KCNIP1: variants seen among roughly 807,000 people sequenced by gnomAD.
KCNIP1 encodes potassium voltage-gated channel interacting protein 1.
In KCNIP1, 18 loss-of-function variants were observed where a neutral mutation model predicts 33.0. The observed-to-expected ratio is 0.55, with a 90% CI of 0.38 to 0.81. The LOEUF is 0.81. Ranked by LOEUF, KCNIP1 falls within the 30% of genes least tolerant of loss-of-function variation. The pLI is 0.00. For missense variants in KCNIP1, 238 were observed against 271.6 expected (o/e 0.88, Z 0.87); for synonymous variants, 93 against 98.3 (o/e 0.95, Z 0.32).
chr5:170,528,182 G>C (rs897903858), intron 1 of KCNIP1, among the ~76,000 whole-genome samples: 1 of 152,144 alleles, frequency 6.6e-6, no homozygotes, highest in Non-Finnish European at 1.5e-5. Context: ...TCTGGAACTG[G>C]AGGCTCTGGC....
chr5:170,499,826 G>A (rs1172352966), upstream of KCNIP1, among the ~76,000 whole-genome samples: 1 of 152,188 alleles, frequency 6.6e-6, no homozygotes, highest in East Asian at 1.9e-4. Flanking sequence ...CAGGATTCCT[G>A]CAGGTCTGAC....
At position 170,609,953 on chromosome 5, in the gene KCNIP1, T is replaced by C. The variant is rs1483292345; in HGVS notation, c.61+105320T>C. 2.0e-5 allele frequency among the ~76,000 whole-genome samples: 3 copies of C among 152,194 alleles called. No individual in the cohort carries two copies. The South Asian group carries it at 6.2e-4, about 32-fold the overall frequency. On this transcript the variant is annotated intron_variant, in intron 1 of 7. Coordinates refer to ENST00000328939, the MANE Select transcript of KCNIP1 (RefSeq NM_014592.4). ...AAAAATGCAAGAAAAAAAAGGAAGCTGGACATAAAGCTAGAATGGAAAATG... is the reference window on the plus strand; with the variant it reads ...AAAAATGCAAGAAAAAAAAGGAAGCCGGACATAAAGCTAGAATGGAAAATG...
chr5:170,378,905 G>T lies in KCNIP1; in HGVS notation c.88+24941G>T, dbSNP rs749425507. 2.7e-5 allele frequency: 44 copies of T among 1,614,124 alleles called. No homozygotes were observed. The South Asian group carries it at 4.7e-4, about 17-fold the overall frequency. On this transcript the variant is annotated intron_variant, in intron 1 of 7. Coordinates refer to the KCNIP1 transcript ENST00000377360. Reference sequence around the variant, plus strand: ...AGAAGACCTGCTGCTCTTGGAATTTGGCTCTGACCTTCTCCACGTCGGCCC... The same window carrying T: ...AGAAGACCTGCTGCTCTTGGAATTTTGCTCTGACCTTCTCCACGTCGGCCC...
At chr5:170,711,258 C>CA (rs1763433951) in intron 1 of KCNIP1, among the ~76,000 whole-genome samples, 1 of 152,200 alleles carries the variant, frequency 6.6e-6, no homozygotes, top group African/African-American at 2.4e-5. Flanking sequence ...AATTACCTGC[C>CA]AATGACTACT....
chr5:170,471,206 C>A (rs1485888170), intron 1 of KCNIP1, among the ~76,000 whole-genome samples: 2 of 152,136 alleles, frequency 1.3e-5, no homozygotes, highest in African/African-American at 4.8e-5. Context: ...CTCCATCTCG[C>A]CCCCTATCTT....
At chr5:170,594,950 A>T (rs559639316) in intron 1 of KCNIP1, among the ~76,000 whole-genome samples, 3 of 152,346 alleles carry the variant, frequency 2.0e-5, no homozygotes, top group Non-Finnish European at 4.4e-5. Flanking sequence ...GGAGTGTAAC[A>T]GTTTGGCCAT....
chr5:170,623,852 C>G (rs1218753192), intron 1 of KCNIP1, among the ~76,000 whole-genome samples: 1 of 152,190 alleles, frequency 6.6e-6, no homozygotes, highest in East Asian at 1.9e-4. Context: ...ATTGGGGGCC[C>G]TGAGCCTCCA....
intron 1 of KCNIP1, among the ~76,000 whole-genome samples, chr5:170,714,102 C>T (rs1421723540): frequency 6.6e-6 from 1 of 151,988 alleles, no homozygotes; most frequent in Admixed American, 6.6e-5. Flanking sequence ...TTGGCCAGTC[C>T]AGGGAGGAGA....
At chr5:170,473,815 C>T (rs138474391) in intron 1 of KCNIP1, among the ~76,000 whole-genome samples, 1 of 152,316 alleles carries the variant, frequency 6.6e-6, no homozygotes, top group East Asian at 1.9e-4. Context: ...ACCCACAAAT[C>T]CCATGATGCC....
intron 1 of KCNIP1, among the ~76,000 whole-genome samples, chr5:170,496,625 A>G (rs1226158030): frequency 6.6e-6 from 1 of 152,184 alleles, no homozygotes; most frequent in Non-Finnish European, 1.5e-5. Context: ...CAGGAGACTA[A>G]AGCAGGGGAG....
chr5:170,595,430 G>A (rs1462890896), intron 1 of KCNIP1, among the ~76,000 whole-genome samples: 1 of 152,210 alleles, frequency 6.6e-6, no homozygotes, highest in Admixed American at 6.5e-5. Flanking sequence ...GCCTGCATGG[G>A]CAGCCAATCC....
chr5:170,629,522 A>G (rs894086350), intron 1 of KCNIP1, among the ~76,000 whole-genome samples: 4 of 152,194 alleles, frequency 2.6e-5, no homozygotes, highest in Non-Finnish European at 5.9e-5. Flanking sequence ...CAGAGGTGCT[A>G]GCTGGGATGC....
chr5:170,512,644 GC>G, intron 1 of KCNIP1, among the ~76,000 whole-genome samples: 1 of 152,336 alleles, frequency 6.6e-6, no homozygotes, highest in East Asian at 1.9e-4. Context: ...GTAAGATGCA[GC>G]GGTCAGCACT....
At chr5:170,462,182 G>A (rs1440917742) in intron 1 of KCNIP1, among the ~76,000 whole-genome samples, 1 of 145,978 alleles carries the variant, frequency 6.9e-6, no homozygotes, top group Non-Finnish European at 1.5e-5. Context: ...AGACAACCCA[G>A]AGAGTGGGAG....
chr5:170,713,976 A>G (rs1269877115), intron 1 of KCNIP1, among the ~76,000 whole-genome samples: 14 of 151,580 alleles, frequency 9.2e-5, no homozygotes, highest in Admixed American at 7.2e-4. Context: ...GTGAGCCGAG[A>G]TCACACCATT....
At chr5:170,575,643 C>G (rs1259728409) in intron 1 of KCNIP1, among the ~76,000 whole-genome samples, 4 of 152,158 alleles carry the variant, frequency 2.6e-5, no homozygotes, top group Non-Finnish European at 5.9e-5. Context: ...CAGAATGGCT[C>G]AAAATCACCC....
intron 1 of KCNIP1, among the ~76,000 whole-genome samples, chr5:170,388,786 C>G (rs1764590078): frequency 6.6e-6 from 1 of 152,204 alleles, no homozygotes; most frequent in African/African-American, 2.4e-5. Flanking sequence ...TGGTACCTGC[C>G]TCAGAGAGTT....
chr5:170,649,056 GGAAAA>G (rs1760904217), intron 1 of KCNIP1, among the ~76,000 whole-genome samples: 1 of 152,220 alleles, frequency 6.6e-6, no homozygotes, highest in Non-Finnish European at 1.5e-5. Flanking sequence ...CATTACTGAT[GGAAAA>G]GAAAATTGGT....
chr5:170,503,046 T>C (rs1184549733), upstream of KCNIP1, among the ~76,000 whole-genome samples: 6 of 151,964 alleles, frequency 3.9e-5, no homozygotes, highest in Non-Finnish European at 7.4e-5. Context: ...TAATGAATTA[T>C]TGAGCTGGAA....
Sources: allele counts gnomAD v4.1 joint callset (sites outside exome capture counted in the v4.1 genomes callset), GRCh38; gene constraint gnomAD v4.1.1; transcripts MANE v1.5; gene names NCBI Gene and HGNC (gene_info 2026-07-23, HGNC 2026-07-21).